The following LMNB2 variants were observed in gnomAD, a reference collection of about 807,000 sequenced individuals.
The protein encoded by LMNB2 is lamin B2, also known as lamin-B2.
LMNB2 carries 17 observed loss-of-function variants against 69.3 expected under a neutral mutation model. That is an observed-to-expected ratio of 0.25 (90% CI 0.17 to 0.37). The LOEUF (loss-of-function observed/expected upper bound fraction) is 0.37, where lower values mean the gene tolerates loss of function less well. LMNB2 is among the 10% of genes least tolerant of loss of function. The pLI, the probability that LMNB2 is intolerant of heterozygous loss-of-function variation, is 1.00. For missense variants in LMNB2, 789 were observed against 883.6 expected, an observed-to-expected ratio of 0.89 and a Z score of 1.36; for synonymous variants, 397 against 389.3, an observed-to-expected ratio of 1.02 and a Z score of -0.23.
At position 2,431,996 on chromosome 19, in the gene LMNB2, G is replaced by A. The variant is rs796809541; in HGVS notation, c.1591-94C>T. On this transcript the variant is annotated intron_variant, in intron 9 of 11. Transcript: ENST00000325327. ...CCCCTACCACAAAGCCCCCTTCAAT[G>A]CCCTGGGCGTTCAGTCCTTCCAGCC... is the stretch of plus-strand genomic sequence containing the variant. The A allele has an allele frequency of 6.8e-6, 10 of 1,476,174 alleles. 1 individual carries two copies. The African/African-American group carries it at 8.4e-5, about 12-fold the overall frequency. The allele number at this position is 1,476,174 out of a possible 1,614,324, so 91.4% of individuals were successfully genotyped here.
chr19:2,430,478 GC>G lies in LMNB2; in HGVS notation c.*432del. ...TGGCCCCGGGCCCCACCAGGTCGAC[GC>G]CTGGATTCTGAATTTGGTTTTGTAG... On this transcript the variant is annotated 3_prime_UTR_variant, in exon 12 of 12. Transcript: ENST00000325327. 1 of 290,102 alleles carries G rather than the reference GC, an allele frequency of 3.4e-6. No individual in the cohort carries two copies. The highest frequency in any genetic ancestry group is 6.7e-6 in the Non-Finnish European group (1 of 148,152). 18.0% of individuals were successfully genotyped at this position (290,102 alleles called of 1,614,324 possible).
chr19:2,450,464 G>A (rs986189218), intron 1 of LMNB2, among the ~76,000 whole-genome samples: 5 of 151,722 alleles, frequency 3.3e-5, no homozygotes, highest in South Asian at 2.1e-4. Flanking sequence ...TGAGGCAGGA[G>A]GATCAGCCTG....
In LMNB2 at chr19:2,450,119, C is replaced by CATAT. The variant is rs768767651; in HGVS notation, c.265-5580_265-5579insATAT. 4.4e-3 allele frequency among the ~76,000 whole-genome samples: 589 copies of CATAT among 135,340 alleles called. 5 individuals carry two copies. The highest frequency in any genetic ancestry group is 0.021 in the East Asian group (105 of 5,014). The allele number at this position is 135,340 out of a possible 152,430, so 88.8% of individuals were successfully genotyped here. A position where few individuals can be genotyped will look rare whatever the true frequency, so the allele number is the denominator to read the frequency against. On this transcript the variant is annotated intron_variant, in intron 1 of 11. Transcript: ENST00000325327. Reference sequence around the variant, plus strand: ...ACATATACATATACATATATATATACACATATATATATATATTCCATTAAA... The same window carrying CATAT: ...ACATATACATATACATATATATATACATATACATATATATATATATTCCATTAAA...
In LMNB2 at chr19:2,434,492, A is replaced by G. The variant is rs1971794788; in HGVS notation, c.1005T>C (p.Ile335=). 1.9e-6 allele frequency: 3 copies of G among 1,612,904 alleles called. No homozygotes were observed. The highest frequency in any genetic ancestry group is 2.5e-6 in the Non-Finnish European group (3 of 1,179,912). Residue 335 remains isoleucine (I), a synonymous_variant, in exon 7 of 12, where the codon ATT becomes ATC. Transcript: ENST00000325327. ...CGGCCATGGCCTCCTCCAGCTCCCGAATGCGATCTTCAGCGGCACTGGCCT... is the reference window on the plus strand; with the variant it reads ...CGGCCATGGCCTCCTCCAGCTCCCGGATGCGATCTTCAGCGGCACTGGCCT... The part of the protein sequence containing the change: ...QKQASAAEDR[I]RELEEAMAGE...
intron 11 of LMNB2, 52 bp downstream of exon 11, chr19:2,431,496 C>T: frequency 6.2e-7 from 1 of 1,612,204 alleles, no homozygotes; most frequent in Non-Finnish European, 8.5e-7. Context: ...TGCACGAGCT[C>T]ACTCTGCCCC....
intron 2 of LMNB2, among the ~76,000 whole-genome samples, chr19:2,438,793 C>A: frequency 6.6e-6 from 1 of 152,264 alleles, no homozygotes; most frequent in South Asian, 2.1e-4. Flanking sequence ...CTTTCCCAGC[C>A]TCTCCTGCCT....
intron 1 of LMNB2, 108 bp from the exon 2 acceptor site, chr19:2,444,648 CAGAG>C: frequency 7.0e-7 from 1 of 1,429,170 alleles, no homozygotes; most frequent in Admixed American, 1.7e-5. Context: ...GACTGGCACG[CAGAG>C]AGAGAGGATG....
Position 2,433,985 on chromosome 19 carries a change from C to T in LMNB2, c.1323G>A (p.Val441=), listed in dbSNP as rs753979808. The T allele has an allele frequency of 1.2e-6, 2 of 1,610,042 alleles. No homozygotes were observed. Among genetic ancestry groups the T allele is most frequent in the South Asian group, 1.1e-5 (1 of 91,012 alleles). The part of the protein sequence containing the change: ...LGRSKRKRLE[V]EEPLGSGPSV... ...TTGGGCCGCTGCCCAAGGGCTCCTC[C>T]ACCTCCAGCCGCTTCCGCTTACTGC... The change falls in exon 8 of 12, where the codon GTG becomes GTA. Residue 441 remains valine (V), a synonymous_variant. Transcript: ENST00000325327.
Position 2,438,238 on chromosome 19 carries a change from C to T in LMNB2, c.609G>A (p.Leu203=), listed in dbSNP as rs1053216081. ...VAKKQLEKET[L]MRVDLENRCQ... The stretch of plus-strand genomic sequence containing the variant: ...AGCGGTTCTCCAGGTCCACACGCAT[C>T]AGCGTCTCCTTCTCCAGCTGCTTTT... Residue 203 remains leucine (L), a synonymous_variant, in exon 4 of 12, where the codon CTG becomes CTA. Transcript: ENST00000325327. 4 of 1,613,978 alleles carry T rather than the reference C, an allele frequency of 2.5e-6. No homozygotes were observed. Among genetic ancestry groups the T allele is most frequent in the African/African-American group, 2.7e-5 (2 of 74,950 alleles).
chr19:2,439,035 C>CTTTTTTTTTTTTT lies in LMNB2; in HGVS notation c.402-517_402-505dup, dbSNP rs397945879. On this transcript the variant is annotated intron_variant, in intron 2 of 11. Coordinates refer to ENST00000325327, the MANE Select transcript of LMNB2 (RefSeq NM_032737.4). ...CCAGTGTGGATTGTAGGCACTTAAG[C>CTTTTTTTTTTTTT]TTTTTTTTTTTTTTTTTTTTTTTTT... Among the ~76,000 whole-genome samples, 6 of 65,712 alleles carry CTTTTTTTTTTTTT rather than the reference C, an allele frequency of 9.1e-5. 2 individuals are homozygous for CTTTTTTTTTTTTT. The highest frequency in any genetic ancestry group is 2.6e-4 in the African/African-American group (4 of 15,420). The allele number at this position is 65,712 out of a possible 152,430, so 43.1% of individuals were successfully genotyped here.
rs1972056375 is a variant in LMNB2 at position 2,453,712 on chromosome 19, G to A, written c.264+2958C>T. ...CTGCTGCGGCCCCGAGAGGTGGCTG[G>A]GCCAGGCTCCCTCTAGGGCACAGGG... is the stretch of plus-strand genomic sequence containing the variant. On this transcript the variant is annotated intron_variant, in intron 1 of 11. Transcript: ENST00000325327. The surrounding 1 kb of genome is among the most constrained non-coding windows in gnomAD (Gnocchi z 4.4). Among the ~76,000 whole-genome samples, 1 of 152,164 alleles carries A rather than the reference G, an allele frequency of 6.6e-6. No individual in the cohort carries two copies. Among genetic ancestry groups the A allele is most frequent in the Non-Finnish European group, 1.5e-5 (1 of 68,026 alleles).
Position 2,433,889 on chromosome 19 carries a change from G to A in LMNB2, c.1419C>T (p.Ser473=), listed in dbSNP as rs1170418368. 9.3e-6 allele frequency: 15 copies of A among 1,612,446 alleles called. No individual in the cohort carries two copies. The highest frequency in any genetic ancestry group is 2.7e-5 in the African/African-American group (2 of 74,866). The change falls in exon 8 of 12, where the codon AGC becomes AGT. Residue 473 remains serine (S), a synonymous_variant. Transcript: ENST00000325327. ...HLAQQASASG[S]VSIEEIDLEG... ...CCAGGTCGATCTCCTCGATGCTGACGCTACCCGAGGCCGAGGCCTGCTGGG... is the reference window on the plus strand; with the variant it reads ...CCAGGTCGATCTCCTCGATGCTGACACTACCCGAGGCCGAGGCCTGCTGGG...
intron 1 of LMNB2, among the ~76,000 whole-genome samples, chr19:2,446,688 G>A (rs1971959937): frequency 1.3e-5 from 2 of 152,166 alleles, no homozygotes; most frequent in Admixed American, 6.5e-5. Flanking sequence ...CAGAGAAATC[G>A]GAACCTCACA....
At chr19:2,444,655 A>T in intron 1 of LMNB2, 115 bp from the exon 2 acceptor site, 2 of 1,343,324 alleles carry the variant, frequency 1.5e-6, no homozygotes, top group Middle Eastern at 1.8e-4. Flanking sequence ...ACGCAGAGAG[A>T]GAGGATGGCA....
At chr19:2,440,011 C>T (rs1035618322) in intron 2 of LMNB2, among the ~76,000 whole-genome samples, 10 of 152,004 alleles carry the variant, frequency 6.6e-5, no homozygotes, top group Admixed American at 5.2e-4. Context: ...GGATTACAGG[C>T]GTGAACCACT....
Position 2,452,306 on chromosome 19 carries a change from C to T in LMNB2, c.264+4364G>A, listed in dbSNP as rs141032531. ...CAAGTTAGCCGGGCATGGTGGTGGG[C>T]GCCTGTAATCCCAGCTACTCAGAAG... On this transcript the variant is annotated intron_variant, in intron 1 of 11. Coordinates refer to ENST00000325327, the MANE Select transcript of LMNB2 (RefSeq NM_032737.4). Among the ~76,000 whole-genome samples the T allele has an allele frequency of 4.3e-3, 654 of 152,110 alleles. 5 individuals carry two copies. The highest frequency in any genetic ancestry group is 0.013 in the African/African-American group (554 of 41,510).
intron 2 of LMNB2, 39 bp downstream of exon 2, chr19:2,444,365 A>AGGATCAGGGTGACGTCGTGCCC: frequency 6.2e-7 from 1 of 1,611,788 alleles, no homozygotes; most frequent in Non-Finnish European, 8.5e-7. Flanking sequence ...CCGTGGTGCC[A>AGGATCAGGGTGACGTCGTGCCC]GGATCAGGGT....
chr19:2,448,599 G>A (rs1270343441), intron 1 of LMNB2, among the ~76,000 whole-genome samples: 1 of 152,222 alleles, frequency 6.6e-6, no homozygotes, highest in Non-Finnish European at 1.5e-5. Context: ...TGTCATCCCA[G>A]CACTTTGGGA....
chr19:2,456,480 C>G (rs956232951), intron 1 of LMNB2, among the ~76,000 whole-genome samples, 190 bp downstream of exon 1: 1 of 151,554 alleles, frequency 6.6e-6, no homozygotes, highest in South Asian at 2.1e-4. Context: ...CGATTGCCCA[C>G]CCCGCGGTGG....
Sources: gnomAD v4.1 joint callset for allele counts (sites outside exome capture counted in the v4.1 genomes callset) on GRCh38, gnomAD v4.1.1 for gene constraint, Gnocchi (gnomAD v3.1) non-coding constraint, MANE v1.5 for transcripts, NCBI Gene and HGNC (gene_info 2026-07-23, HGNC 2026-07-21) for gene names.